MIR2052HG: variants seen among roughly 807,000 people sequenced by gnomAD.
MIR2052HG encodes the protein MIR2052 host gene.
intron 2 of MIR2052HG, among the ~76,000 whole-genome samples, chr8:74,672,916 G>A (rs139243964): frequency 2.6e-5 from 4 of 152,090 alleles, no homozygotes; most frequent in Admixed American, 2.6e-4. Flanking sequence ...AGATTGCAGT[G>A]GAGTAAGTTC....
chr8:74,730,649 T>A (rs1239324861), intron 4 of MIR2052HG, among the ~76,000 whole-genome samples: 1 of 152,170 alleles, frequency 6.6e-6, no homozygotes, highest in Admixed American at 6.5e-5. Flanking sequence ...TTGGCATAAC[T>A]GTTTTGGAAG....
At chr8:74,714,672 T>C (rs1397048274) in intron 4 of MIR2052HG, among the ~76,000 whole-genome samples, 5 of 151,792 alleles carry the variant, frequency 3.3e-5, no homozygotes, top group African/African-American at 1.2e-4. Flanking sequence ...AATGAAAGCC[T>C]TCTTTGGGAG....
intron 2 of MIR2052HG, among the ~76,000 whole-genome samples, chr8:74,678,774 T>TA (rs1001012184): frequency 1.3e-5 from 2 of 151,702 alleles, no homozygotes; most frequent in African/African-American, 4.8e-5. Context: ...AGTAATATAA[T>TA]AAAAAAGAAC....
rs147009688 is a variant in MIR2052HG, at chr8:74,615,733, G to A, written n.216+2793G>A. On this transcript the variant is annotated intron_variant and non_coding_transcript_variant, in intron 2 of 6. Transcript: ENST00000523442. ...CCATTAACTCGTCATTTAACATTAG[G>A]TATATCCCCTAATACTATCCTTCCC... 4.9e-3 allele frequency among the ~76,000 whole-genome samples: 751 copies of A among 151,810 alleles called. 10 individuals are homozygous for A. Among genetic ancestry groups the A allele is most frequent in the African/African-American group, 0.017 (700 of 41,380 alleles).
intron 2 of MIR2052HG, among the ~76,000 whole-genome samples, chr8:74,690,751 A>G (rs1316740159): frequency 6.6e-6 from 1 of 152,174 alleles, no homozygotes; most frequent in Admixed American, 6.5e-5. Context: ...GGAGCCTTCT[A>G]TACCTTGTAA....
intron 4 of MIR2052HG, among the ~76,000 whole-genome samples, chr8:74,737,130 G>T (rs1809774727): frequency 6.6e-6 from 1 of 152,182 alleles, no homozygotes; most frequent in African/African-American, 2.4e-5. Flanking sequence ...TTGCATAGAA[G>T]TATAACTTTG....
At chr8:74,602,876 T>TTCTTTCTTTC (rs1586883851) in intron 1 of MIR2052HG, among the ~76,000 whole-genome samples, 30 of 137,098 alleles carry the variant, frequency 2.2e-4, no homozygotes, top group East Asian at 6.7e-4. Context: ...TTTCTTTCTT[T>TTCTTTCTTTC]TTTCTATTCA....
At chr8:74,714,632 A>T (rs1408784171) in intron 4 of MIR2052HG, among the ~76,000 whole-genome samples, 5 of 150,260 alleles carry the variant, frequency 3.3e-5, no homozygotes, top group Non-Finnish European at 7.4e-5. Flanking sequence ...TGTGAGGAGT[A>T]GGTTGGTTAT....
At chr8:74,755,843 A>T (rs1809994316) in intron 5 of MIR2052HG, among the ~76,000 whole-genome samples, 1 of 152,200 alleles carries the variant, frequency 6.6e-6, no homozygotes, top group African/African-American at 2.4e-5. Context: ...ATTGGCAGGT[A>T]CAAATGGCCA....
intron 4 of MIR2052HG, among the ~76,000 whole-genome samples, chr8:74,708,792 T>TTTAAAAAAAATTTAAATATTTTAAAA (rs1809436066): frequency 6.7e-6 from 1 of 148,934 alleles, no homozygotes; most frequent in Non-Finnish European, 1.5e-5. Flanking sequence ...AGAATTTAAA[T>TTTAAAAAAAATTTAAATATTTTAAAA]TTAAAAAAAA....
intron 4 of MIR2052HG, among the ~76,000 whole-genome samples, chr8:74,733,268 T>A (rs1002916963): frequency 4.6e-5 from 7 of 151,942 alleles, no homozygotes; most frequent in African/African-American, 1.7e-4. Flanking sequence ...AGTGTGATGT[T>A]CCCCTTCCTG....
intron 4 of MIR2052HG, among the ~76,000 whole-genome samples, chr8:74,712,553 GT>G (rs1809480271): frequency 6.6e-6 from 1 of 152,156 alleles, no homozygotes; most frequent in African/African-American, 2.4e-5. Context: ...GAAGTTAAAT[GT>G]TTTGTCCAAG....
At chr8:74,647,794 C>G (rs1808705421) in intron 2 of MIR2052HG, among the ~76,000 whole-genome samples, 1 of 152,134 alleles carries the variant, frequency 6.6e-6, no homozygotes, top group Non-Finnish European at 1.5e-5. Flanking sequence ...TTTTATAATT[C>G]CTTATGCCTG....
At chr8:74,696,477 A>G (rs1201694918) in intron 2 of MIR2052HG, among the ~76,000 whole-genome samples, 1 of 152,174 alleles carries the variant, frequency 6.6e-6, no homozygotes, top group Non-Finnish European at 1.5e-5. Flanking sequence ...CCAAGATCAA[A>G]GCAGAAGTAA....
At chr8:74,680,514 C>T (rs895846764) in intron 2 of MIR2052HG, among the ~76,000 whole-genome samples, 2 of 151,950 alleles carry the variant, frequency 1.3e-5, no homozygotes, top group Admixed American at 6.6e-5. Context: ...CACAATGAGA[C>T]ACCATCTCAC....
At chr8:74,712,011 C>T (rs1586920789) in intron 4 of MIR2052HG, among the ~76,000 whole-genome samples, 1 of 152,076 alleles carries the variant, frequency 6.6e-6, no homozygotes, top group Admixed American at 6.6e-5. Flanking sequence ...TAGTCCTCCA[C>T]CCTGAGAAAA....
chr8:74,699,964 A>G (rs747195053), intron 2 of MIR2052HG, among the ~76,000 whole-genome samples: 1 of 152,178 alleles, frequency 6.6e-6, no homozygotes, highest in Admixed American at 6.6e-5. Context: ...TTGGTTAGCT[A>G]TGGTAACTAA....
chr8:74,675,636 G>T (rs1454322936), intron 2 of MIR2052HG, among the ~76,000 whole-genome samples: 1 of 151,938 alleles, frequency 6.6e-6, no homozygotes, highest in African/African-American at 2.4e-5. Flanking sequence ...ATTACTCCAA[G>T]TGGGGTCATT....
chr8:74,743,917 A>C (rs1809856794), intron 4 of MIR2052HG, among the ~76,000 whole-genome samples: 1 of 152,252 alleles, frequency 6.6e-6, no homozygotes. Context: ...AAGAGTCAGC[A>C]GACACAGTAC....
Sources: gnomAD v4.1 joint callset for allele counts (sites outside exome capture counted in the v4.1 genomes callset) on GRCh38, gnomAD v4.1.1 for gene constraint, MANE v1.5 for transcripts, NCBI Gene and HGNC (gene_info 2026-07-23, HGNC 2026-07-21) for gene names.